Variants in PRMT1 observed in about 807,000 individuals in gnomAD.
PRMT1 encodes the protein protein arginine N-methyltransferase 1.
PRMT1 carries 5 observed loss-of-function variants against 47.4 expected under a neutral mutation model. The ratio of observed to expected loss-of-function variants is 0.11; its 90% CI spans 0.06 to 0.22. The LOEUF (loss-of-function observed/expected upper bound fraction) is 0.22, where lower values mean the gene tolerates loss of function less well. Ranked by LOEUF, PRMT1 falls within the 10% of genes least tolerant of loss-of-function variation. The pLI is 1.00. For missense variants in PRMT1, 249 were observed against 518.4 expected (o/e 0.48, Z 5.05); for synonymous variants, 227 against 204.6 (o/e 1.11, Z -0.94).
rs963459268 is a variant in PRMT1 at position 49,686,170 on chromosome 19, C to T, written c.837C>T (p.Asp279=). ...SPFCLQVKRN[D]YVHALVAYFN... ...TCTGCCTGCAAGTGAAGCGGAATGACTACGTGCACGCCCTGGTGGCCTACT... is the reference window on the plus strand; with the variant it reads ...TCTGCCTGCAAGTGAAGCGGAATGATTACGTGCACGCCCTGGTGGCCTACT... The change falls in exon 9 of 11, where the codon GAC becomes GAT. Residue 279 remains aspartate (D), a synonymous_variant. Transcript: ENST00000454376. The T allele has an allele frequency of 3.1e-6, 5 of 1,613,992 alleles. No homozygotes were observed. The highest frequency in any genetic ancestry group is 1.6e-4 in the Middle Eastern group (1 of 6,084).
Position 49,685,468 on chromosome 19 carries a change from T to C in PRMT1, c.759+431T>C. 1 of 1,082,328 alleles carries C rather than the reference T, an allele frequency of 9.2e-7. No individual in the cohort carries two copies. The highest frequency in any genetic ancestry group is 1.1e-6 in the Non-Finnish European group (1 of 886,836). 67.0% of individuals were successfully genotyped at this position (1,082,328 alleles called of 1,614,324 possible). A position where few individuals can be genotyped will look rare whatever the true frequency, so the allele number is the denominator to read the frequency against. ...AAGGCTGCAGTGAGCTGTGATCACA[T>C]CACTGCACTCCAGCTTTGGTGACAA... is the stretch of plus-strand genomic sequence containing the variant. On this transcript the variant is annotated intron_variant, in intron 8 of 10. Coordinates refer to ENST00000454376, the MANE Select transcript of PRMT1 (RefSeq NM_001536.6). This position sits in a 1 kb window ranked among gnomAD's most constrained non-coding sequence, Gnocchi z 4.7.
chr19:49,686,578 G>T (rs753415658), intron 9 of PRMT1, 27 bp from the exon 10 acceptor site: 1 of 1,603,660 alleles, frequency 6.2e-7, no homozygotes, highest in Non-Finnish European at 8.5e-7. Context: ...AGCAGGCCGA[G>T]GCCGGCTGAC....
At chr19:49,686,566 G>GGGGC in intron 9 of PRMT1, 39 bp from the exon 10 acceptor site, 2 of 1,315,702 alleles carry the variant, frequency 1.5e-6, no homozygotes, top group Non-Finnish European at 2.1e-6. Flanking sequence ...GTTGGGGGGG[G>GGGGC]CAGCAGGCCG....
chr19:49,684,075 GC>G lies in PRMT1; in HGVS notation c.555+10del. On this transcript the variant is annotated splice_region_variant and intron_variant, in intron 6 of 10. Coordinates refer to ENST00000454376, the MANE Select transcript of PRMT1 (RefSeq NM_001536.6). This position sits in a 1 kb window ranked among gnomAD's most constrained non-coding sequence, Gnocchi z 6.2. ...ATGCCCGGGACAAGTGGCTGGTGAG[GC>G]CCCAGCGGGACGGGTGCAGCTCGCG... The G allele has an allele frequency of 1.2e-6, 2 of 1,614,078 alleles. No homozygotes were observed. The highest frequency in any genetic ancestry group is 1.1e-5 in the South Asian group (1 of 91,086).
At chr19:49,677,115 C>A, upstream of PRMT1, 1 of 530,154 alleles carries the variant, frequency 1.9e-6, no homozygotes, top group Non-Finnish European at 3.0e-6. Context: ...TATTCTCTAG[C>A]CAATTACTAG....
Position 49,684,150 on chromosome 19 carries a change from C to T in PRMT1, c.555+81C>T, listed in dbSNP as rs1050569469. The T allele has an allele frequency of 3.9e-5, 61 of 1,564,564 alleles. No homozygotes were observed. Among genetic ancestry groups the T allele is most frequent in the Non-Finnish European group, 4.6e-5 (53 of 1,144,884 alleles). On this transcript the variant is annotated intron_variant, in intron 6 of 10. Coordinates refer to ENST00000454376, the MANE Select transcript of PRMT1 (RefSeq NM_001536.6). This position sits in a 1 kb window ranked among gnomAD's most constrained non-coding sequence, Gnocchi z 6.2. Reference sequence around the variant, plus strand: ...CGAAAACCACGCTCAATTTTTCCCACAGACGGGACTTACTGTGGGGGCTTA... The same window carrying T: ...CGAAAACCACGCTCAATTTTTCCCATAGACGGGACTTACTGTGGGGGCTTA...
chr19:49,685,652 G>A lies in PRMT1; in HGVS notation c.760-441G>A, dbSNP rs755223157. ...CTGTCGGGGAGGAGTAAGTTGTTGA[G>A]TGGGGGAGGAGAGGAGACTACAGGG... On this transcript the variant is annotated intron_variant, in intron 8 of 10. Coordinates refer to ENST00000454376, the MANE Select transcript of PRMT1 (RefSeq NM_001536.6). This position sits in a 1 kb window ranked among gnomAD's most constrained non-coding sequence, Gnocchi z 4.7. The A allele has an allele frequency of 2.3e-5, 24 of 1,023,994 alleles. No homozygotes were observed. The highest frequency in any genetic ancestry group is 2.8e-5 in the Non-Finnish European group (24 of 853,748). 63.4% of individuals were successfully genotyped at this position (1,023,994 alleles called of 1,614,324 possible). A position where few individuals can be genotyped will look rare whatever the true frequency, so the allele number is the denominator to read the frequency against.
At chr19:49,679,949 C>T (rs1165464307) in intron 2 of PRMT1, 24 bp downstream of exon 2, 2 of 1,595,846 alleles carry the variant, frequency 1.3e-6, no homozygotes, top group East Asian at 2.2e-5. Flanking sequence ...TGTGAGACCC[C>T]TCCCCACCCT....
rs2082103889 is a variant in PRMT1, at chr19:49,680,680, T to C, written c.192+92T>C. ...CTGTTTTCCCACGCATGCGCACTGC[T>C]TCCCCTGGCCGCAGGCCGCCCCCCT... is the stretch of plus-strand genomic sequence containing the variant. On this transcript the variant is annotated intron_variant, in intron 3 of 10. Transcript: ENST00000454376. This position sits in a 1 kb window ranked among gnomAD's most constrained non-coding sequence, Gnocchi z 4.2. 1 of 1,028,218 alleles carries C rather than the reference T, an allele frequency of 9.7e-7. No homozygotes were observed. The highest frequency in any genetic ancestry group is 2.5e-5 in the East Asian group (1 of 39,694). The allele number at this position is 1,028,218 out of a possible 1,614,324, so 63.7% of individuals were successfully genotyped here.
At position 49,683,938 on chromosome 19, in the gene PRMT1, A is replaced by G. The variant is rs2082164383; in HGVS notation, c.424A>G (p.Ile142Val). The G allele has an allele frequency of 6.2e-7, 1 of 1,613,194 alleles. No individual in the cohort carries two copies. Among genetic ancestry groups the G allele is most frequent in the African/African-American group, 1.3e-5 (1 of 74,750 alleles). ...TTGTCCGCCCGCAGTGGTGACCATC[A>G]TCAAGGGGAAGGTGGAGGAGGTGGA... ...ANKLDHVVTI[I>V]KGKVEEVELP... The change falls in exon 6 of 11, where the codon ATC (isoleucine) becomes GTC (valine). Residue 142 changes from isoleucine to valine, a missense_variant. Ile to Val is a conservative substitution (Grantham distance 29). Transcript: ENST00000454376.
In PRMT1 at chr19:49,686,131, C is replaced by G. The variant is rs760947675; in HGVS notation, c.798C>G (p.Thr266=). The G allele has an allele frequency of 1.2e-6, 2 of 1,614,064 alleles. No homozygotes were observed. The highest frequency in any genetic ancestry group is 1.1e-5 in the South Asian group (1 of 91,086). The change falls in exon 9 of 11, where the codon ACC becomes ACG. Residue 266 remains threonine, a synonymous_variant. Coordinates refer to ENST00000454376, the MANE Select transcript of PRMT1 (RefSeq NM_001536.6). The stretch of plus-strand genomic sequence containing the variant: ...ATACCGTCAAGGTGGAAGACCTGAC[C>G]TTCACCTCCCCGTTCTGCCTGCAAG... ...DIYTVKVEDL[T]FTSPFCLQVK... is the part of the protein sequence containing the mutation.
rs779610788 is a variant in PRMT1, at chr19:49,686,077, C to T, written c.760-16C>T. 1.2e-6 allele frequency: 2 copies of T among 1,609,612 alleles called. No homozygotes were observed. Among genetic ancestry groups the T allele is most frequent in the Non-Finnish European group, 8.5e-7 (1 of 1,177,678 alleles). On this transcript the variant is annotated splice_polypyrimidine_tract_variant and intron_variant, in intron 8 of 10. Transcript: ENST00000454376. ...GTGGGGACGCATCCCGGAGCTCGCC[C>T]TCTCATGTCCTGCAGGAGGTGGACA...
intron 10 of PRMT1, among the ~76,000 whole-genome samples, chr19:49,687,590 T>C (rs988007137): frequency 6.7e-6 from 1 of 149,622 alleles, no homozygotes; most frequent in African/African-American, 2.5e-5. Context: ...GGTCCTGGCA[T>C]CTGGTAGGTA....
In PRMT1 at chr19:49,681,476, G is replaced by A. The variant is rs1379506856; in HGVS notation, c.193-434G>A. 6.6e-6 allele frequency among the ~76,000 whole-genome samples: 1 copy of A among 152,040 alleles called. No homozygotes were observed. Among genetic ancestry groups the A allele is most frequent in the Non-Finnish European group, 1.5e-5 (1 of 68,012 alleles). ...AAACTGGCTGGGCGCAGTGGTTCACGCCTGTAATCCCAGCACTTTAGGGGG... is the reference window on the plus strand; with the variant it reads ...AAACTGGCTGGGCGCAGTGGTTCACACCTGTAATCCCAGCACTTTAGGGGG... On this transcript the variant is annotated intron_variant, in intron 3 of 10. Coordinates refer to ENST00000454376, the MANE Select transcript of PRMT1 (RefSeq NM_001536.6). The surrounding 1 kb of genome is among the most constrained non-coding windows in gnomAD (Gnocchi z 4.4).
chr19:49,686,416 A>G (rs1220120650), intron 9 of PRMT1, among the ~76,000 whole-genome samples, 173 bp downstream of exon 9: 1 of 152,102 alleles, frequency 6.6e-6, no homozygotes. Flanking sequence ...CTGAGTGTGC[A>G]GTGCCTCAGT....
At chr19:49,679,452 C>G (rs911897139) in intron 1 of PRMT1, 3 of 472,510 alleles carry the variant, frequency 6.3e-6, no homozygotes, top group Non-Finnish European at 8.4e-6. Context: ...CTGCCAGCCC[C>G]GCTCCCTTCT....
Position 49,679,706 on chromosome 19 carries a change from C to G in PRMT1, c.37-166C>G, listed in dbSNP as rs111390513. 1.2e-5 allele frequency: 8 copies of G among 670,012 alleles called. No individual in the cohort carries two copies. In the African/African-American group the frequency reaches 1.2e-4, roughly 10 times the overall value. The allele number at this position is 670,012 out of a possible 1,614,324, so 41.5% of individuals were successfully genotyped here. A position where few individuals can be genotyped will look rare whatever the true frequency, so the allele number is the denominator to read the frequency against. On this transcript the variant is annotated intron_variant, in intron 1 of 10. Transcript: ENST00000454376. Reference sequence around the variant, plus strand: ...TTCTTCTCCCCTCACTTTTCCCACCCTTTCTTAAACACCCCACCTCATTAC... The same window carrying G: ...TTCTTCTCCCCTCACTTTTCCCACCGTTTCTTAAACACCCCACCTCATTAC...
At position 49,685,168 on chromosome 19, in the gene PRMT1, G is replaced by C; in HGVS notation, c.759+131G>C. The C allele has an allele frequency of 6.4e-7, 1 of 1,552,896 alleles. No individual in the cohort carries two copies. The highest frequency in any genetic ancestry group is 8.7e-7 in the Non-Finnish European group (1 of 1,150,254). On this transcript the variant is annotated intron_variant, in intron 8 of 10. Coordinates refer to ENST00000454376, the MANE Select transcript of PRMT1 (RefSeq NM_001536.6). The surrounding 1 kb of genome is among the most constrained non-coding windows in gnomAD (Gnocchi z 4.7). Reference sequence around the variant, plus strand: ...TCAGAGCCTGATCTGCCAGCCAGAGGTGGTGCTAGAGGCCCAGGAAAGACA... The same window carrying C: ...TCAGAGCCTGATCTGCCAGCCAGAGCTGGTGCTAGAGGCCCAGGAAAGACA...
upstream of PRMT1, chr19:49,677,237 A>T (rs2082047222): frequency 7.1e-7 from 1 of 1,404,412 alleles, no homozygotes; most frequent in Non-Finnish European, 9.3e-7. Context: ...GTGAGGAGAA[A>T]GGGGGGGTCT....
Sources: allele counts gnomAD v4.1 joint callset (sites outside exome capture counted in the v4.1 genomes callset), GRCh38; gene constraint gnomAD v4.1.1; non-coding constraint Gnocchi (gnomAD v3.1); transcripts MANE v1.5; gene names NCBI Gene and HGNC (gene_info 2026-07-23, HGNC 2026-07-21).